Variants in STK38 observed in about 807,000 individuals in gnomAD.
The protein encoded by STK38 is serine/threonine kinase 38.
STK38 carries 26 observed loss-of-function variants against 59.0 expected under a neutral mutation model. The observed-to-expected ratio is 0.44, with a 90% CI of 0.32 to 0.61. The LOEUF is 0.61. STK38 is among the 20% of genes least tolerant of loss of function. The pLI is 0.04. For missense variants in STK38, 433 were observed against 566.0 expected (o/e 0.76, Z 2.38); for synonymous variants, 175 against 176.6 (o/e 0.99, Z 0.07).
At chr6:36,509,393 T>G (rs919682817) in intron 7 of STK38, among the ~76,000 whole-genome samples, 1 of 152,060 alleles carries the variant, frequency 6.6e-6, no homozygotes, top group Non-Finnish European at 1.5e-5. Flanking sequence ...AGAAAAATTG[T>G]AGAAAGAAGC....
At chr6:36,530,930 T>TC (rs1357186780) in intron 2 of STK38, among the ~76,000 whole-genome samples, 1 of 152,132 alleles carries the variant, frequency 6.6e-6, no homozygotes, top group Non-Finnish European at 1.5e-5. Context: ...CCTCAAGTGA[T>TC]CCACCCACCT....
chr6:36,521,650 A>AT, intron 5 of STK38, 84 bp downstream of exon 5: 1 of 987,460 alleles, frequency 1.0e-6, no homozygotes, highest in Admixed American at 2.7e-5. Flanking sequence ...CTGTAATAAA[A>AT]ATATATATTT....
intron 7 of STK38, 89 bp from the exon 8 acceptor site, chr6:36,507,691 A>C: frequency 9.2e-6 from 8 of 869,430 alleles, no homozygotes; most frequent in Middle Eastern, 4.6e-4. Flanking sequence ...CATCCATTAT[A>C]GCTCTACAGC....
Position 36,506,598 on chromosome 6 carries a change from T to A in STK38, c.819A>T (p.Arg273Ser), listed in dbSNP as rs1486481793. The A allele has an allele frequency of 6.2e-7, 1 of 1,613,460 alleles. No individual in the cohort carries two copies. Among genetic ancestry groups the A allele is most frequent in the Non-Finnish European group, 8.5e-7 (1 of 1,179,880 alleles). The change falls in exon 9 of 14, where the codon AGA becomes AGT. Residue 273 changes from arginine (R) to serine (S), a missense_variant. Arg to Ser is a moderately radical substitution (Grantham distance 110). This residue lies in a region of STK38 where 293 missense variants were observed against 388.2 expected (regional missense o/e 0.75). Coordinates refer to ENST00000229812, the MANE Select transcript of STK38 (RefSeq NM_007271.4). Reference sequence around the variant, plus strand: ...TATTACTTACTAGCTGACGTCTATTTCTTTTCCAGGTTTCTGCTTTCCTTT... The same window carrying A: ...TATTACTTACTAGCTGACGTCTATTACTTTTCCAGGTTTCTGCTTTCCTTT... ...NSKRKAETWK[R>S]NRRQLAFSTV...
intron 2 of STK38, among the ~76,000 whole-genome samples, chr6:36,538,967 TAAAC>T (rs1231287597): frequency 2.2e-4 from 33 of 151,828 alleles, no homozygotes; most frequent in Non-Finnish European, 2.9e-4. Context: ...GATATGCAGT[TAAAC>T]AAATATAATA....
rs533067009 is a variant in STK38, at chr6:36,529,887, C to T, written c.132-4245G>A. On this transcript the variant is annotated intron_variant, in intron 2 of 13. Coordinates refer to ENST00000229812, the MANE Select transcript of STK38 (RefSeq NM_007271.4). ...GGATGAGAGAATAGGGCTATTCCAC[C>T]CTAATTGAAAACAGACAGTATTTTG... is the stretch of plus-strand genomic sequence containing the variant. Among the ~76,000 whole-genome samples, 24 of 152,194 alleles carry T rather than the reference C, an allele frequency of 1.6e-4. No homozygotes were observed. The South Asian group carries it at 4.8e-3, about 30-fold the overall frequency.
intron 2 of STK38, among the ~76,000 whole-genome samples, chr6:36,536,320 A>T (rs574463678): frequency 1.8e-4 from 28 of 152,120 alleles, no homozygotes; most frequent in Non-Finnish European, 3.1e-4. Context: ...GTAAAAACTA[A>T]ATCTAAAAAA....
chr6:36,543,150 C>T (rs902657011), intron 1 of STK38, among the ~76,000 whole-genome samples: 2 of 151,250 alleles, frequency 1.3e-5, no homozygotes, highest in Non-Finnish European at 1.5e-5. Context: ...CTCCAAGCTC[C>T]GCCTCCCAGG....
rs898960821 is a variant in STK38 at position 36,499,874 on chromosome 6, G to A, written c.951C>T (p.Ile317=). 9 of 1,612,922 alleles carry A rather than the reference G, an allele frequency of 5.6e-6. No individual in the cohort carries two copies. Among genetic ancestry groups the A allele is most frequent in the Admixed American group, 3.3e-5 (2 of 59,988 alleles). The change falls in exon 10 of 14, where the codon ATC becomes ATT. Residue 317 remains isoleucine, a splice_region_variant and synonymous_variant. Transcript: ENST00000229812. ...SLGVIMYEML[I]GYPPFCSETP... The stretch of plus-strand genomic sequence containing the variant: ...GTCCTCTGAAACCATGCAACTTACC[G>A]ATGAGCATCTCATACATGATCACCC...
At chr6:36,523,477 G>C (rs1259189198) in intron 4 of STK38, among the ~76,000 whole-genome samples, 1 of 150,758 alleles carries the variant, frequency 6.6e-6, no homozygotes, top group Non-Finnish European at 1.5e-5. Flanking sequence ...TGTCAGGCTG[G>C]TCTCGAACTC....
chr6:36,521,881 G>T, intron 4 of STK38, 64 bp from the exon 5 acceptor site: 1 of 1,267,982 alleles, frequency 7.9e-7, no homozygotes, highest in Non-Finnish European at 1.1e-6. Context: ...GCTTTCATGT[G>T]TTATAGGATG....
intron 7 of STK38, among the ~76,000 whole-genome samples, chr6:36,508,209 T>G (rs1777014940): frequency 6.6e-6 from 1 of 152,182 alleles, no homozygotes; most frequent in Non-Finnish European, 1.5e-5. Flanking sequence ...GTTCTGAGAT[T>G]ATAGGCATGC....
At chr6:36,496,447 C>G (rs185067584) in intron 13 of STK38, among the ~76,000 whole-genome samples, 41 of 152,236 alleles carry the variant, frequency 2.7e-4, no homozygotes, top group Non-Finnish European at 3.4e-4. Context: ...TTTCAGATTA[C>G]CTAACACTTA....
At chr6:36,498,580 T>A in intron 10 of STK38, 94 bp from the exon 11 acceptor site, 2 of 1,409,902 alleles carry the variant, frequency 1.4e-6, no homozygotes, top group Non-Finnish European at 1.9e-6. Flanking sequence ...GTCTTTTTTT[T>A]TCTTTTTTCT....
At chr6:36,528,156 C>T (rs1021672560) in intron 2 of STK38, among the ~76,000 whole-genome samples, 1 of 151,600 alleles carries the variant, frequency 6.6e-6, no homozygotes, top group African/African-American at 2.4e-5. Context: ...AGCATGTAGT[C>T]CATTGTGGCT....
intron 2 of STK38, among the ~76,000 whole-genome samples, chr6:36,532,806 G>A (rs1777698101): frequency 6.6e-6 from 1 of 152,116 alleles, no homozygotes; most frequent in South Asian, 2.1e-4. Context: ...GGCTAAGGCA[G>A]GAGAATCACT....
chr6:36,536,609 C>T (rs935649470), intron 2 of STK38, among the ~76,000 whole-genome samples: 1 of 152,118 alleles, frequency 6.6e-6, no homozygotes, highest in African/African-American at 2.4e-5. Context: ...TCTCAGCTCA[C>T]CACAAACTCC....
intron 2 of STK38, among the ~76,000 whole-genome samples, chr6:36,530,374 T>C (rs1340287905): frequency 6.6e-6 from 1 of 151,470 alleles, no homozygotes; most frequent in Non-Finnish European, 1.5e-5. Context: ...ATAAATACTT[T>C]TTTTTTTGAG....
At chr6:36,545,795 T>C (rs1778041973) in intron 1 of STK38, among the ~76,000 whole-genome samples, 1 of 152,186 alleles carries the variant, frequency 6.6e-6, no homozygotes, top group Admixed American at 6.5e-5. Flanking sequence ...AAATAATAGG[T>C]GGCTGAGGAA....
Sources: gnomAD v4.1 joint callset for allele counts (sites outside exome capture counted in the v4.1 genomes callset) on GRCh38, gnomAD v4.1.1 for gene constraint, gnomAD v4.1.1 regional missense constraint, MANE v1.5 for transcripts, NCBI Gene and HGNC (gene_info 2026-07-23, HGNC 2026-07-21) for gene names.